The following PCDH15 variants were observed in gnomAD, a reference collection of about 807,000 sequenced individuals.
PCDH15 encodes protocadherin related 15, also known as protocadherin-15.
Under a neutral mutation model 178.5 loss-of-function variants are expected in PCDH15, and 129 were observed. The ratio of observed to expected loss-of-function variants is 0.72; its 90% CI spans 0.63 to 0.84. PCDH15 has a LOEUF of 0.84. Ranked by LOEUF, PCDH15 falls within the 40% of genes least tolerant of loss-of-function variation. PCDH15 has a pLI of 0.00. For missense variants in PCDH15, 2,230 were observed against 2,099.9 expected (o/e 1.06, Z -1.21); for synonymous variants, 800 against 732.0 (o/e 1.09, Z -1.50).
chr10:55,298,304 A>G (rs1843186430), intron 1 of PCDH15, among the ~76,000 whole-genome samples: 1 of 152,240 alleles, frequency 6.6e-6, no homozygotes, highest in African/African-American at 2.4e-5. Flanking sequence ...TGTTTACAAG[A>G]TTTTAAATTT....
At chr10:54,409,018 T>C (rs986521571) in intron 3 of PCDH15, among the ~76,000 whole-genome samples, 2 of 152,172 alleles carry the variant, frequency 1.3e-5, no homozygotes, top group African/African-American at 4.8e-5. Flanking sequence ...ATGGGGGCAG[T>C]TTCTCCCACA....
chr10:54,716,120 T>A (rs1287743338), intron 1 of PCDH15, among the ~76,000 whole-genome samples: 2 of 152,152 alleles, frequency 1.3e-5, no homozygotes, highest in East Asian at 1.9e-4. Context: ...AGCTGATGCA[T>A]GTGCATGCCA....
intron 14 of PCDH15, among the ~76,000 whole-genome samples, chr10:54,141,109 CAT>C (rs920548910): frequency 1.3e-5 from 2 of 150,490 alleles, no homozygotes; most frequent in African/African-American, 4.9e-5. Flanking sequence ...TATTTGTATA[CAT>C]ATATATAATA....
At chr10:55,592,581 T>C (rs1842864055) in intron 2 of PCDH15, among the ~76,000 whole-genome samples, 1 of 152,142 alleles carries the variant, frequency 6.6e-6, no homozygotes, top group Non-Finnish European at 1.5e-5. Flanking sequence ...GGCTTCCCTG[T>C]GGGGTGCCCA....
intron 1 of PCDH15, among the ~76,000 whole-genome samples, chr10:55,222,931 T>C (rs951275393): frequency 6.6e-6 from 1 of 151,890 alleles, no homozygotes; most frequent in Admixed American, 6.6e-5. Flanking sequence ...TTGTCCATAG[T>C]TATTGATAAC....
intron 2 of PCDH15, among the ~76,000 whole-genome samples, chr10:55,334,635 T>C (rs1256923473): frequency 6.6e-6 from 1 of 152,026 alleles, no homozygotes; most frequent in East Asian, 1.9e-4. Flanking sequence ...TTTTTTTCTA[T>C]CTGTATTGTA....
rs185177306 is a variant in PCDH15 at position 54,715,648 on chromosome 10, T to A, written c.-28-51358A>T. On this transcript the variant is annotated intron_variant, in intron 1 of 37. Transcript: ENST00000644397. ...CAGGCTTTTGATGCACCATATCTCC[T>A]GGGATAGGAGCTTCAGTTGCCATTC... 3.7e-4 allele frequency among the ~76,000 whole-genome samples: 56 copies of A among 152,200 alleles called. No homozygotes were observed. The East Asian group carries it at 0.01, about 29-fold the overall frequency.
At chr10:54,226,367 T>A (rs2053448376) in intron 9 of PCDH15, among the ~76,000 whole-genome samples, 1 of 152,148 alleles carries the variant, frequency 6.6e-6, no homozygotes, top group Non-Finnish European at 1.5e-5. Context: ...TATTCAGTTA[T>A]CTCCCACATG....
chr10:53,825,162 A>C (rs376184880), intron 32 of PCDH15: 80 of 1,532,016 alleles, frequency 5.2e-5, no homozygotes, highest in Non-Finnish European at 6.8e-5. Flanking sequence ...ACAGGTGAGA[A>C]ACAGAAAACA....
intron 8 of PCDH15, among the ~76,000 whole-genome samples, chr10:54,299,253 G>C (rs561269265): frequency 6.6e-6 from 1 of 152,160 alleles, no homozygotes; most frequent in Admixed American, 6.5e-5. Flanking sequence ...AAGAGTGAGA[G>C]AGAGGAAGAG....
At chr10:54,335,769 A>C (rs963433073) in intron 6 of PCDH15, among the ~76,000 whole-genome samples, 1 of 152,170 alleles carries the variant, frequency 6.6e-6, no homozygotes, top group Non-Finnish European at 1.5e-5. Flanking sequence ...AAACAGACTA[A>C]CACAGTAAAT....
At chr10:54,714,644 A>T (rs1296439520) in intron 1 of PCDH15, among the ~76,000 whole-genome samples, 1 of 152,160 alleles carries the variant, frequency 6.6e-6, no homozygotes, top group Non-Finnish European at 1.5e-5. Context: ...TTTTAGAGTC[A>T]TAGTGAATTG....
intron 2 of PCDH15, among the ~76,000 whole-genome samples, chr10:54,937,207 C>T (rs1670822): frequency 0.14 from 20,523 of 151,608 alleles, 1,567 homozygotes; most frequent in East Asian, 0.23. Flanking sequence ...TTTTGATTAC[C>T]GTGGTTTTGT....
At chr10:55,149,959 C>T (rs554663032) in intron 2 of PCDH15, among the ~76,000 whole-genome samples, 13 of 151,544 alleles carry the variant, frequency 8.6e-5, no homozygotes, top group Middle Eastern at 6.8e-3. Flanking sequence ...CACCCAAACA[C>T]ATGCTGGAAA....
Position 54,235,123 on chromosome 10 carries a change from T to C in PCDH15, c.985+1700A>G, listed in dbSNP as rs115017925. 2.2e-3 allele frequency among the ~76,000 whole-genome samples: 332 copies of C among 152,328 alleles called. 1 individual carries two copies. The highest frequency in any genetic ancestry group is 7.8e-3 in the African/African-American group (324 of 41,594). On this transcript the variant is annotated intron_variant, in intron 9 of 37. Transcript: ENST00000644397. ...TGTAAGCCTTTGCTAACAGCTTACC[T>C]TTTGATGACACAAGTGCTGATGATA...
At chr10:55,275,767 G>T (rs1201261266) in intron 1 of PCDH15, among the ~76,000 whole-genome samples, 1 of 141,960 alleles carries the variant, frequency 7.0e-6, no homozygotes, top group South Asian at 2.2e-4. Flanking sequence ...TTTACATATT[G>T]TAGAATCAGG....
chr10:54,833,891 G>C (rs879828725), intron 3 of PCDH15, among the ~76,000 whole-genome samples: 10 of 151,816 alleles, frequency 6.6e-5, no homozygotes, highest in Admixed American at 6.6e-4. Context: ...TGGGTAGATC[G>C]GGTGTTTTGG....
chr10:55,110,584 T>C (rs753564412), intron 2 of PCDH15, among the ~76,000 whole-genome samples: 2 of 151,824 alleles, frequency 1.3e-5, no homozygotes, highest in Non-Finnish European at 2.9e-5. Context: ...TCTAGAGTAA[T>C]TGTATCTACT....
intron 34 of PCDH15, 57 bp from the exon 35 acceptor site, chr10:53,816,334 T>C (rs553419874): frequency 8.8e-5 from 35 of 398,216 alleles, no homozygotes; most frequent in Non-Finnish European, 1.5e-4. Flanking sequence ...ATGGGAAAGG[T>C]AGATCATGAT....
Sources: gnomAD v4.1 joint callset for allele counts (sites outside exome capture counted in the v4.1 genomes callset) on GRCh38, gnomAD v4.1.1 for gene constraint, MANE v1.5 for transcripts, NCBI Gene and HGNC (gene_info 2026-07-23, HGNC 2026-07-21) for gene names.